The following WTAP variants were observed in gnomAD, a reference collection of about 807,000 sequenced individuals.
The protein encoded by WTAP is WT1 associated protein, also known as pre-mRNA-splicing regulator WTAP.
Under a neutral mutation model 50.0 loss-of-function variants are expected in WTAP, and 8 were observed. The observed-to-expected ratio is 0.16, with a 90% CI of 0.09 to 0.29. WTAP has a LOEUF of 0.29. WTAP is among the 10% of genes least tolerant of loss of function. WTAP has a pLI of 1.00. For missense variants in WTAP, 295 were observed against 470.7 expected (o/e 0.63, Z 3.45); for synonymous variants, 194 against 169.0 (o/e 1.15, Z -1.15).
At chr6:159,742,891 A>G (rs2842977) in intron 4 of WTAP, among the ~76,000 whole-genome samples, 70,492 of 151,246 alleles carry the variant, frequency 0.47, 18,471 homozygotes, top group Non-Finnish European at 0.58. Flanking sequence ...CCTTGTCTCT[A>G]CAAAAAAAAA....
intron 1 of WTAP, among the ~76,000 whole-genome samples, chr6:159,729,141 G>A (rs1251707635): frequency 1.3e-5 from 2 of 152,206 alleles, no homozygotes; most frequent in Non-Finnish European, 2.9e-5. Context: ...GTACATTAAA[G>A]CGTTCAAGGT....
intron 2 of WTAP, 156 bp downstream of exon 2, chr6:159,736,451 G>A: frequency 1.6e-6 from 1 of 606,758 alleles, no homozygotes; most frequent in South Asian, 2.3e-5. Context: ...GAGTTGTACA[G>A]TGTGCCAGAT....
At chr6:159,729,903 A>T (rs998138943) in intron 1 of WTAP, among the ~76,000 whole-genome samples, 1 of 152,168 alleles carries the variant, frequency 6.6e-6, no homozygotes, top group Non-Finnish European at 1.5e-5. Flanking sequence ...AAGAGCCAGG[A>T]AGGTACTGGG....
intron 6 of WTAP, 105 bp from the exon 7 acceptor site, chr6:159,753,355 T>G: frequency 6.8e-7 from 1 of 1,473,896 alleles, no homozygotes. Flanking sequence ...GCATCTGCTG[T>G]GATATAGTTA....
Position 159,739,978 on chromosome 6 carries a change from A to C in WTAP, c.86+933A>C, listed in dbSNP as rs549807258. On this transcript the variant is annotated intron_variant, in intron 3 of 7. Transcript: ENST00000621533. ...ATGCTGAAGTATATACTTAAGATAC[A>C]CTACTACTCAATGCTGGGTTTTTTT... Among the ~76,000 whole-genome samples, 10 of 152,082 alleles carry C rather than the reference A, an allele frequency of 6.6e-5. No homozygotes were observed. In the South Asian group the frequency reaches 2.1e-3, roughly 32 times the overall value.
At chr6:159,744,001 G>A (rs1048523458) in intron 5 of WTAP, among the ~76,000 whole-genome samples, 1 of 151,668 alleles carries the variant, frequency 6.6e-6, no homozygotes, top group African/African-American at 2.4e-5. Context: ...AAAGTTTTAA[G>A]TTTTTTTTGA....
At chr6:159,735,904 C>T (rs920504750) in intron 1 of WTAP, among the ~76,000 whole-genome samples, 3 of 152,068 alleles carry the variant, frequency 2.0e-5, no homozygotes, top group Non-Finnish European at 4.4e-5. Context: ...TAGCAACATG[C>T]GTAGGATACT....
At chr6:159,751,605 C>T (rs1779823345) in intron 6 of WTAP, among the ~76,000 whole-genome samples, 1 of 152,022 alleles carries the variant, frequency 6.6e-6, no homozygotes, top group Non-Finnish European at 1.5e-5. Flanking sequence ...AACAAGAACA[C>T]CAGCTAATAA....
intron 5 of WTAP, among the ~76,000 whole-genome samples, chr6:159,747,798 G>A (rs1371173444): frequency 6.6e-6 from 1 of 152,082 alleles, no homozygotes; most frequent in Non-Finnish European, 1.5e-5. Flanking sequence ...TTTTGGTAAT[G>A]TTTGGATTGT....
At chr6:159,735,565 AC>A (rs1778858139) in intron 1 of WTAP, among the ~76,000 whole-genome samples, 1 of 152,172 alleles carries the variant, frequency 6.6e-6, no homozygotes, top group East Asian at 1.9e-4. Flanking sequence ...CCTGACCAAC[AC>A]GGTGAAACCC....
rs1779704567 is a variant in WTAP at position 159,748,577 on chromosome 6, C to T, written c.452+208C>T. 1 of 1,363,498 alleles carries T rather than the reference C, an allele frequency of 7.3e-7. No individual in the cohort carries two copies. 84.5% of individuals were successfully genotyped at this position (1,363,498 alleles called of 1,614,324 possible). ...GTTTCAGCTTTTTTCTTTTCCCCTT[C>T]CCCTTGCTTCAGAGGCCTGATGGCG... is the stretch of plus-strand genomic sequence containing the variant. On this transcript the variant is annotated intron_variant, in intron 6 of 7. Coordinates refer to ENST00000621533, the MANE Select transcript of WTAP (RefSeq NM_001270531.2). This position sits in a 1 kb window ranked among gnomAD's most constrained non-coding sequence, Gnocchi z 5.6.
rs765736170 is a variant in WTAP, at chr6:159,748,408, A to C, written c.452+39A>C. 9.3e-6 allele frequency: 15 copies of C among 1,607,912 alleles called. No individual in the cohort carries two copies. In the South Asian group the frequency reaches 1.5e-4, roughly 17 times the overall value. On this transcript the variant is annotated intron_variant, in intron 6 of 7. Coordinates refer to ENST00000621533, the MANE Select transcript of WTAP (RefSeq NM_001270531.2). This position sits in a 1 kb window ranked among gnomAD's most constrained non-coding sequence, Gnocchi z 5.6. ...ACTCCCCAGTCAAGACTTCCCTGAC[A>C]GTCCCACTACGAGAAAGCTGTGGTG... is the stretch of plus-strand genomic sequence containing the variant.
chr6:159,752,531 A>G (rs1452863974), intron 6 of WTAP, among the ~76,000 whole-genome samples: 3 of 152,180 alleles, frequency 2.0e-5, no homozygotes, highest in Non-Finnish European at 2.9e-5. Flanking sequence ...GCATTTGGAA[A>G]CTATAATCTG....
Position 159,753,576 on chromosome 6 carries a change from A to G in WTAP, c.569A>G (p.Gln190Arg). The change falls in exon 7 of 8, where the codon CAG (glutamine) becomes CGG (arginine). Residue 190 changes from glutamine to arginine, a missense_variant. This residue lies in a region of WTAP where 120 missense variants were observed against 287.6 expected (regional missense o/e 0.42). Coordinates refer to ENST00000621533, the MANE Select transcript of WTAP (RefSeq NM_001270531.2). ...CAACTTGAAGCAGAGTTGGCTTTAC[A>G]GAAGAAATACAGTGAGGAGCTTAAA... is the stretch of plus-strand genomic sequence containing the variant. ...IAQLEAELALQKKYSEELKSS... is the reference protein window; with the variant it reads ...IAQLEAELALRKKYSEELKSS... 6.2e-7 allele frequency: 1 copy of G among 1,614,204 alleles called. No homozygotes were observed. Among genetic ancestry groups the G allele is most frequent in the Non-Finnish European group, 8.5e-7 (1 of 1,180,030 alleles).
chr6:159,727,111 C>T (rs943976219), upstream of WTAP: 39 of 1,194,144 alleles, frequency 3.3e-5, 1 homozygote, highest in South Asian at 3.9e-4. Flanking sequence ...CGCCCCTCCC[C>T]TCGGCCGCTT....
intron 1 of WTAP, among the ~76,000 whole-genome samples, chr6:159,733,704 G>A (rs1045527558): frequency 1.2e-4 from 18 of 151,078 alleles, no homozygotes; most frequent in Admixed American, 9.9e-4. Context: ...ACCTGAGGTC[G>A]GGATTTCCAG....
At position 159,753,529 on chromosome 6, in the gene WTAP, G is replaced by T. The variant is rs1292409675; in HGVS notation, c.522G>T (p.Gln174His). The T allele has an allele frequency of 6.2e-7, 1 of 1,614,212 alleles. No individual in the cohort carries two copies. Among genetic ancestry groups the T allele is most frequent in the South Asian group, 1.1e-5 (1 of 91,084 alleles). Residue 174 changes from glutamine to histidine, a missense_variant, in exon 7 of 8, where the codon CAG becomes CAT. Around this residue, in one of 2 missense-constraint regions of WTAP, gnomAD observed 120 missense variants for 287.6 expected, o/e 0.42. Coordinates refer to ENST00000621533, the MANE Select transcript of WTAP (RefSeq NM_001270531.2). Reference protein sequence around the residue: ...LIQENQELGRQLSQGRIAQLE... With the variant: ...LIQENQELGRHLSQGRIAQLE... Reference sequence around the variant, plus strand: ...AGGAGAATCAAGAGCTTGGAAGGCAGCTGTCCCAGGGACGTATTGCACAAC... The same window carrying T: ...AGGAGAATCAAGAGCTTGGAAGGCATCTGTCCCAGGGACGTATTGCACAAC...
upstream of WTAP, chr6:159,726,746 G>A: frequency 7.8e-7 from 1 of 1,284,358 alleles, no homozygotes. Context: ...ATAGCTCCTC[G>A]ATGCGTCTCC....
chr6:159,749,672 T>C (rs1341037001), intron 6 of WTAP, among the ~76,000 whole-genome samples: 2 of 152,208 alleles, frequency 1.3e-5, no homozygotes, highest in African/African-American at 4.8e-5. Context: ...GAAAGTAATG[T>C]GGGACAGCTT....
Sources: gnomAD v4.1 joint callset for allele counts (sites outside exome capture counted in the v4.1 genomes callset) on GRCh38, gnomAD v4.1.1 for gene constraint, gnomAD v4.1.1 regional missense constraint, Gnocchi (gnomAD v3.1) non-coding constraint, MANE v1.5 for transcripts, NCBI Gene and HGNC (gene_info 2026-07-23, HGNC 2026-07-21) for gene names.